The following STK17A variants were observed in gnomAD, a reference collection of about 807,000 sequenced individuals.
The protein encoded by STK17A is serine/threonine kinase 17a.
In STK17A, 26 loss-of-function variants were observed where a neutral mutation model predicts 43.7. That is an observed-to-expected ratio of 0.60 (90% CI 0.44 to 0.83). The LOEUF (loss-of-function observed/expected upper bound fraction) is 0.83, where lower values mean the gene tolerates loss of function less well. STK17A is among the 40% of genes least tolerant of loss of function. STK17A has a pLI of 0.00. For synonymous variants in STK17A, 191 were observed against 182.5 expected (o/e 1.05, Z -0.38); for missense variants, 476 against 511.6 (o/e 0.93, Z 0.67).
At chr7:43,615,293 G>A (rs979009233) in intron 3 of STK17A, among the ~76,000 whole-genome samples, 11 of 151,818 alleles carry the variant, frequency 7.2e-5, no homozygotes, top group East Asian at 1.9e-4. Flanking sequence ...CTCCCACCTC[G>A]GCCTCCCAAG....
Position 43,583,273 on chromosome 7 carries a change from CGGCTCCTCCCCA to C in STK17A, c.34_45del (p.Ser12_Gly15del). 1.3e-6 allele frequency: 2 copies of C among 1,544,280 alleles called. No individual in the cohort carries two copies. The highest frequency in any genetic ancestry group is 2.4e-5 in the South Asian group (2 of 84,674). ...TCCCTTTGGAGAAGCCAGGCAGCGG[CGGCTCCTCCCCA>C]GGCGCCACCTCAGGCTCGGGCCGGG... On this transcript the variant is annotated inframe_deletion, in exon 1 of 7. Transcript: ENST00000319357.
chr7:43,596,375 A>G (rs2082515855), intron 2 of STK17A, among the ~76,000 whole-genome samples: 1 of 152,238 alleles, frequency 6.6e-6, no homozygotes, highest in Non-Finnish European at 1.5e-5. Flanking sequence ...TATTAGAGGC[A>G]TTCTTAACAA....
chr7:43,607,766 G>A (rs1397557069), intron 2 of STK17A, among the ~76,000 whole-genome samples: 3 of 152,006 alleles, frequency 2.0e-5, no homozygotes, highest in African/African-American at 7.2e-5. Context: ...GTAATGGGCT[G>A]AGGAACTCAG....
rs759054405 is a variant in STK17A, at chr7:43,624,473, T to C, written c.921-45T>C. On this transcript the variant is annotated intron_variant, in intron 6 of 6. Coordinates refer to ENST00000319357, the MANE Select transcript of STK17A (RefSeq NM_004760.3). The stretch of plus-strand genomic sequence containing the variant: ...ACAGTACCTTATGCTCTAATTTTAA[T>C]TGAAGTTCTAACATGTCTTAACTGT... 7 of 1,534,704 alleles carry C rather than the reference T, an allele frequency of 4.6e-6. No individual in the cohort carries two copies. In the African/African-American group the frequency reaches 5.6e-5, roughly 12 times the overall value.
At chr7:43,623,929 A>G (rs1178662732) in intron 6 of STK17A, 41 bp downstream of exon 6, 3 of 1,297,060 alleles carry the variant, frequency 2.3e-6, no homozygotes, top group East Asian at 3.0e-5. Context: ...AACTAATTCA[A>G]TATTAAAAAA....
intron 1 of STK17A, among the ~76,000 whole-genome samples, chr7:43,587,154 G>GT (rs71011929): frequency 0.32 from 35,845 of 112,072 alleles, 7,453 homozygotes; most frequent in Non-Finnish European, 0.44. Context: ...ATTGTTTTTT[G>GT]TTTTTTTTTT....
At chr7:43,587,185 C>G (rs1452777733) in intron 1 of STK17A, among the ~76,000 whole-genome samples, 1 of 120,892 alleles carries the variant, frequency 8.3e-6, no homozygotes, top group South Asian at 2.5e-4. Context: ...GATGGAGTCT[C>G]GCTCTGTCGC....
chr7:43,624,860 A>T lies in STK17A; in HGVS notation c.*18A>T. 6.4e-7 allele frequency: 1 copy of T among 1,563,378 alleles called. No individual in the cohort carries two copies. Among genetic ancestry groups the T allele is most frequent in the South Asian group, 1.2e-5 (1 of 82,488 alleles). ...TCTACTGAGCAATATTTCCCTTTAG[A>T]ACTTCAAGATTTCTACATTGAAAAT... On this transcript the variant is annotated 3_prime_UTR_variant, in exon 7 of 7. Transcript: ENST00000319357.
In STK17A at chr7:43,586,990, CAG is replaced by C. The variant is rs577193602; in HGVS notation, c.206+3543_206+3544del. Among the ~76,000 whole-genome samples the C allele has an allele frequency of 4.0e-4, 61 of 151,240 alleles. 3 individuals are homozygous for C. Among genetic ancestry groups the C allele is most frequent in the Non-Finnish European group, 8.1e-4 (55 of 67,548 alleles). The stretch of plus-strand genomic sequence containing the variant: ...CATTTTTCAGATGAGAAAACAAAGA[CAG>C]ATTTAAAAGTCTTGTGAGAGATAAC... On this transcript the variant is annotated intron_variant, in intron 1 of 6. Transcript: ENST00000319357.
intron 1 of STK17A, among the ~76,000 whole-genome samples, chr7:43,583,665 G>A (rs185092512): frequency 6.6e-6 from 1 of 152,314 alleles, no homozygotes; most frequent in Non-Finnish European, 1.5e-5. Flanking sequence ...GCAAGCGAGT[G>A]GTGGTAACTC....
chr7:43,620,408 C>T (rs1048817579), intron 4 of STK17A, among the ~76,000 whole-genome samples: 4 of 152,212 alleles, frequency 2.6e-5, no homozygotes, highest in Non-Finnish European at 5.9e-5. Context: ...AGTGCAGTGG[C>T]TCACGCCTGT....
At chr7:43,595,289 C>CTTTTTTTT (rs1379359635) in intron 1 of STK17A, among the ~76,000 whole-genome samples, 1 of 77,850 alleles carries the variant, frequency 1.3e-5, no homozygotes, top group Non-Finnish European at 2.6e-5. Context: ...TTTTTTTTTC[C>CTTTTTTTT]CCCCTGGAGA....
At chr7:43,591,704 T>A (rs1024957752) in intron 1 of STK17A, among the ~76,000 whole-genome samples, 1 of 151,428 alleles carries the variant, frequency 6.6e-6, no homozygotes. Flanking sequence ...GGCCCCAGAA[T>A]TTAGCAATGG....
chr7:43,616,372 C>G (rs2083343821), intron 3 of STK17A, among the ~76,000 whole-genome samples: 1 of 152,054 alleles, frequency 6.6e-6, no homozygotes, highest in African/African-American at 2.4e-5. Context: ...AAATAGACAC[C>G]CTGTTAATTT....
At chr7:43,599,975 A>G (rs971844412) in intron 2 of STK17A, among the ~76,000 whole-genome samples, 6 of 152,060 alleles carry the variant, frequency 3.9e-5, no homozygotes, top group Admixed American at 6.5e-5. Context: ...CTTGCCTTCT[A>G]TATTTCTTCT....
At position 43,585,764 on chromosome 7, in the gene STK17A, A is replaced by C. The variant is rs997782230; in HGVS notation, c.206+2315A>C. Among the ~76,000 whole-genome samples the C allele has an allele frequency of 2.6e-5, 4 of 151,572 alleles. 1 individual carries two copies. The highest frequency in any genetic ancestry group is 6.6e-5 in the Admixed American group (1 of 15,228). Reference sequence around the variant, plus strand: ...TTGGTGAGAGAATTAAGTAAAACACATAGCCTTAAGGCTGTGCTTAGCTTA... The same window carrying C: ...TTGGTGAGAGAATTAAGTAAAACACCTAGCCTTAAGGCTGTGCTTAGCTTA... On this transcript the variant is annotated intron_variant, in intron 1 of 6. Transcript: ENST00000319357.
At chr7:43,590,233 A>G (rs1028957905) in intron 1 of STK17A, among the ~76,000 whole-genome samples, 2 of 151,450 alleles carry the variant, frequency 1.3e-5, no homozygotes, top group Non-Finnish European at 3.0e-5. Flanking sequence ...GGCATGAGCC[A>G]CCGTGCCCAA....
chr7:43,585,336 G>C (rs2082431035), intron 1 of STK17A, among the ~76,000 whole-genome samples: 1 of 142,662 alleles, frequency 7.0e-6, no homozygotes, highest in Admixed American at 6.8e-5. Flanking sequence ...TCTGGAAACT[G>C]ATTTGCACCC....
intron 3 of STK17A, among the ~76,000 whole-genome samples, chr7:43,614,280 G>A (rs1017480298): frequency 2.0e-5 from 3 of 152,136 alleles, no homozygotes; most frequent in Admixed American, 1.3e-4. Context: ...CCGTCTGCAG[G>A]TTTTCTGCCT....
Sources: gnomAD v4.1 joint callset for allele counts (sites outside exome capture counted in the v4.1 genomes callset) on GRCh38, gnomAD v4.1.1 for gene constraint, MANE v1.5 for transcripts, NCBI Gene and HGNC (gene_info 2026-07-23, HGNC 2026-07-21) for gene names.